Variants in CACNA1C observed in about 807,000 individuals in gnomAD.
The protein encoded by CACNA1C is calcium voltage-gated channel subunit alpha1 C, also known as voltage-dependent L-type calcium channel subunit alpha-1C.
CACNA1C carries 30 observed loss-of-function variants against 229.0 expected under a neutral mutation model. The observed-to-expected ratio is 0.13, with a 90% CI of 0.10 to 0.18. The LOEUF (loss-of-function observed/expected upper bound fraction) is 0.18, where lower values mean the gene tolerates loss of function less well. Ranked by LOEUF, CACNA1C falls within the 10% of genes least tolerant of loss-of-function variation. The pLI is 1.00. For synonymous variants in CACNA1C, 1,114 were observed against 1,132.5 expected (o/e 0.98, Z 0.33); for missense variants, 1,658 against 2,845.0 (o/e 0.58, Z 9.49).
rs1209311549 is a variant in CACNA1C at position 2,053,143 on chromosome 12, G to A, written c.-420G>A. 20 of 984,792 alleles carry A rather than the reference G, an allele frequency of 2.0e-5. No homozygotes were observed. Among genetic ancestry groups the A allele is most frequent in the Non-Finnish European group, 2.4e-5 (20 of 829,746 alleles). 61.0% of individuals were successfully genotyped at this position (984,792 alleles called of 1,614,324 possible). On this transcript the variant is annotated 5_prime_UTR_variant, in exon 1 of 47. Transcript: ENST00000399655. The surrounding 1 kb of genome is among the most constrained non-coding windows in gnomAD (Gnocchi z 5.8). ...AGAGAGCCGGGCAGGGGCCTCAGGAGGACTCGCTGGGAGTGGGCAGAGGCG... is the reference window on the plus strand; with the variant it reads ...AGAGAGCCGGGCAGGGGCCTCAGGAAGACTCGCTGGGAGTGGGCAGAGGCG...
chr12:2,665,129 G>C lies in CACNA1C; in HGVS notation c.4398+139G>C. 1 of 813,470 alleles carries C rather than the reference G, an allele frequency of 1.2e-6. No homozygotes were observed. Among genetic ancestry groups the C allele is most frequent in the Non-Finnish European group, 1.9e-6 (1 of 515,942 alleles). 50.4% of individuals were successfully genotyped at this position (813,470 alleles called of 1,614,324 possible). ...TTGGGAAGACTAAGTTGGCAGGAGTGTCCAGCCACATGGAGAGAAAGGCAG... is the reference window on the plus strand; with the variant it reads ...TTGGGAAGACTAAGTTGGCAGGAGTCTCCAGCCACATGGAGAGAAAGGCAG... On this transcript the variant is annotated intron_variant, in intron 35 of 46. Coordinates refer to ENST00000399655, the MANE Select transcript of CACNA1C (RefSeq NM_000719.7). The surrounding 1 kb of genome is among the most constrained non-coding windows in gnomAD (Gnocchi z 5.9).
chr12:2,324,741 C>A (rs1450984343), intron 3 of CACNA1C, among the ~76,000 whole-genome samples: 3 of 151,932 alleles, frequency 2.0e-5, no homozygotes, highest in Non-Finnish European at 4.4e-5. Context: ...ACTTCCTTGG[C>A]GGGCTTGCTT....
At chr12:2,058,531 TA>T (rs1264593574) in intron 1 of CACNA1C, among the ~76,000 whole-genome samples, 3 of 151,390 alleles carry the variant, frequency 2.0e-5, no homozygotes, top group African/African-American at 4.8e-5. Flanking sequence ...AGATTGGTTT[TA>T]AAAAAAAAGG....
intron 3 of CACNA1C, among the ~76,000 whole-genome samples, chr12:2,261,043 A>T (rs2154402119): frequency 6.6e-6 from 1 of 152,252 alleles, no homozygotes; most frequent in African/African-American, 2.4e-5. Flanking sequence ...ATCCTGGCTA[A>T]CATGGTAAAA....
In CACNA1C at chr12:2,512,984, A is replaced by C. The variant is rs764849976; in HGVS notation, c.1390A>C (p.Met464Leu). 6.3e-7 allele frequency: 1 copy of C among 1,597,792 alleles called. No individual in the cohort carries two copies. Among genetic ancestry groups the C allele is most frequent in the South Asian group, 1.1e-5 (1 of 87,920 alleles). ...EGMDEEKPRN[M>L]SMPTSETESV... ...CATGGATGAGGAGAAGCCCCGAAAC[A>C]GTGAGCAGCCGTCTTCTTCTGTGTT... The change falls in exon 9 of 47, where the codon ATG (methionine) becomes CTG (leucine). Residue 464 changes from methionine (M) to leucine (L), a missense_variant and splice_region_variant. Met to Leu is a conservative substitution (Grantham distance 15). This residue lies in a region of CACNA1C where 149 missense variants were observed against 194.2 expected (regional missense o/e 0.77). Coordinates refer to ENST00000399655, the MANE Select transcript of CACNA1C (RefSeq NM_000719.7). This position sits in a 1 kb window ranked among gnomAD's most constrained non-coding sequence, Gnocchi z 4.3.
Position 2,486,281 on chromosome 12 carries a change from T to C in CACNA1C, c.916+19T>C. On this transcript the variant is annotated intron_variant, in intron 6 of 46. Transcript: ENST00000399655. The surrounding 1 kb of genome is among the most constrained non-coding windows in gnomAD (Gnocchi z 4.9). The stretch of plus-strand genomic sequence containing the variant: ...ATAGCAGGTAAGAGGGGCAGGCGGC[T>C]GCGCTCCCAAGGCCCTGCCCTCTAT... 6.2e-7 allele frequency: 1 copy of C among 1,608,292 alleles called. No homozygotes were observed. Among genetic ancestry groups the C allele is most frequent in the South Asian group, 1.1e-5 (1 of 90,242 alleles).
chr12:2,590,414 A>G (rs1160660296), intron 18 of CACNA1C, among the ~76,000 whole-genome samples: 1 of 152,210 alleles, frequency 6.6e-6, no homozygotes, highest in Non-Finnish European at 1.5e-5. Context: ...TTCTACTGGC[A>G]TTTGGGAGTA....
At chr12:2,080,600 C>CAAAAAAA (rs763866651) in intron 1 of CACNA1C, among the ~76,000 whole-genome samples, 4 of 36,696 alleles carry the variant, frequency 1.1e-4, no homozygotes, top group African/African-American at 1.4e-4. Context: ...GACTCTGTCT[C>CAAAAAAA]AAAAAAAAAA....
At chr12:2,667,739 G>A (rs532393408) in intron 37 of CACNA1C, among the ~76,000 whole-genome samples, 7 of 152,218 alleles carry the variant, frequency 4.6e-5, no homozygotes, top group Non-Finnish European at 7.4e-5. Flanking sequence ...GAAACTTTCC[G>A]GTGGCCAAGA....
At chr12:2,022,064 C>T (rs1316611781) in intron 1 of CACNA1C, among the ~76,000 whole-genome samples, 1 of 152,178 alleles carries the variant, frequency 6.6e-6, no homozygotes, top group East Asian at 1.9e-4. Flanking sequence ...GTGGAGTTGG[C>T]AAGTTCTCCC....
chr12:2,288,096 G>C (rs1326631752), intron 3 of CACNA1C: 1 of 152,068 alleles, frequency 6.6e-6, no homozygotes, highest in Non-Finnish European at 1.5e-5. Context: ...AGGGAACCGA[G>C]CCCTGCCCAA....
chr12:2,192,404 C>T (rs923272918), intron 3 of CACNA1C, among the ~76,000 whole-genome samples: 3 of 152,080 alleles, frequency 2.0e-5, no homozygotes, highest in Admixed American at 2.0e-4. Context: ...TCCAAGCCTT[C>T]TTCTGCGCGT....
chr12:2,512,684 T>G lies in CACNA1C; in HGVS notation c.1218-128T>G. ...GGAAAGTAGGGGCGTGTGGGCAGGT[T>G]TCTCCCTGCAAAGCAATTAAGACTC... On this transcript the variant is annotated intron_variant, in intron 8 of 46. Transcript: ENST00000399655. The surrounding 1 kb of genome is among the most constrained non-coding windows in gnomAD (Gnocchi z 4.3). The G allele has an allele frequency of 1.4e-6, 1 of 698,784 alleles. No individual in the cohort carries two copies. Among genetic ancestry groups the G allele is most frequent in the Non-Finnish European group, 2.3e-6 (1 of 430,382 alleles). 43.3% of individuals were successfully genotyped at this position (698,784 alleles called of 1,614,324 possible).
At position 2,664,898 on chromosome 12, in the gene CACNA1C, G is replaced by A. The variant is rs1009147400; in HGVS notation, c.4306G>A (p.Glu1436Lys). ...AGGCAAGAAGTGTGCCCCAGAGTCCGAGCCCAGCAACAGCACGGAGGGTGA... is the reference window on the plus strand; with the variant it reads ...AGGCAAGAAGTGTGCCCCAGAGTCCAAGCCCAGCAACAGCACGGAGGGTGA... The part of the protein sequence containing the change: ...MPGKKCAPES[E>K]PSNSTEGETP... Residue 1436 changes from glutamate (E) to lysine (K), a missense_variant, in exon 35 of 47, where the codon GAG (glutamate) becomes AAG (lysine). This residue lies in a region of CACNA1C where 151 missense variants were observed against 344.4 expected (regional missense o/e 0.44). Transcript: ENST00000399655. 3 of 1,613,562 alleles carry A rather than the reference G, an allele frequency of 1.9e-6. No individual in the cohort carries two copies. The highest frequency in any genetic ancestry group is 1.1e-5 in the South Asian group (1 of 91,024).
At chr12:2,492,984 A>G (rs545404836) in intron 6 of CACNA1C, among the ~76,000 whole-genome samples, 77 of 152,362 alleles carry the variant, frequency 5.1e-4, no homozygotes, top group African/African-American at 1.8e-3. Context: ...CTAAATTAAC[A>G]GCAGCCTAAA....
chr12:2,513,704 T>C (rs1473913395), intron 9 of CACNA1C, among the ~76,000 whole-genome samples: 1 of 152,202 alleles, frequency 6.6e-6, no homozygotes, highest in Admixed American at 6.5e-5. Flanking sequence ...CTTACCAGAC[T>C]AGCTCCATGG....
intron 3 of CACNA1C, among the ~76,000 whole-genome samples, chr12:2,178,750 C>T (rs1025264226): frequency 4.6e-5 from 7 of 152,174 alleles, no homozygotes; most frequent in African/African-American, 1.4e-4. Flanking sequence ...CGTACAAATT[C>T]ACAGACCCTG....
At chr12:2,494,561 T>C (rs1270134139) in intron 7 of CACNA1C, among the ~76,000 whole-genome samples, 2 of 152,166 alleles carry the variant, frequency 1.3e-5, no homozygotes, top group Admixed American at 6.5e-5. Context: ...GGAACATGTC[T>C]ACAAACCAAA....
At chr12:2,603,516 G>A (rs571597796) in intron 22 of CACNA1C, 1 of 152,246 alleles carries the variant, frequency 6.6e-6, no homozygotes, top group Non-Finnish European at 1.5e-5. Flanking sequence ...GCCCGTGAGG[G>A]TTAGGATGTG....
Sources: gnomAD v4.1 joint callset for allele counts (sites outside exome capture counted in the v4.1 genomes callset) on GRCh38, gnomAD v4.1.1 for gene constraint, gnomAD v4.1.1 regional missense constraint, Gnocchi (gnomAD v3.1) non-coding constraint, MANE v1.5 for transcripts, NCBI Gene and HGNC (gene_info 2026-07-23, HGNC 2026-07-21) for gene names.